The following SEC24D variants were observed in gnomAD, a reference collection of about 807,000 sequenced individuals.
SEC24D encodes protein transport protein Sec24D.
In SEC24D, 69 loss-of-function variants were observed where a neutral mutation model predicts 116.9. The ratio of observed to expected loss-of-function variants is 0.59; its 90% CI spans 0.49 to 0.72. The LOEUF (loss-of-function observed/expected upper bound fraction) is 0.72. Ranked by LOEUF, SEC24D falls within the 30% of genes least tolerant of loss-of-function variation. The pLI is 0.00. For synonymous variants in SEC24D, 405 were observed against 442.8 expected (o/e 0.91, Z 1.07); for missense variants, 1,131 against 1,264.1 (o/e 0.89, Z 1.60).
At chr4:118,791,494 T>C (rs1240676745) in intron 8 of SEC24D, among the ~76,000 whole-genome samples, 1 of 152,136 alleles carries the variant, frequency 6.6e-6, no homozygotes, top group Non-Finnish European at 1.5e-5. Context: ...TAAATAAATA[T>C]TTTTAAAATT....
intron 1 of SEC24D, among the ~76,000 whole-genome samples, chr4:118,834,548 T>C (rs1731009645): frequency 1.3e-5 from 2 of 152,128 alleles, no homozygotes; most frequent in South Asian, 4.1e-4. Context: ...TTTTTCCAGG[T>C]TTTAACAAAA....
chr4:118,794,556 C>T (rs1729092333), intron 8 of SEC24D, among the ~76,000 whole-genome samples: 1 of 152,106 alleles, frequency 6.6e-6, no homozygotes, highest in African/African-American at 2.4e-5. Flanking sequence ...ATATATGCTG[C>T]AGGTTTCCGT....
chr4:118,759,652 T>C (rs570428847), intron 10 of SEC24D, among the ~76,000 whole-genome samples: 4 of 152,324 alleles, frequency 2.6e-5, no homozygotes, highest in South Asian at 4.1e-4. Context: ...CAGACCACTT[T>C]GGCTCTCTTA....
chr4:118,746,685 T>C (rs1168084539), intron 13 of SEC24D, among the ~76,000 whole-genome samples: 1 of 152,110 alleles, frequency 6.6e-6, no homozygotes, highest in African/African-American at 2.4e-5. Flanking sequence ...TGGCCTGGAA[T>C]CCATTTCTCC....
intron 2 of SEC24D, among the ~76,000 whole-genome samples, chr4:118,828,535 G>A (rs1179313287): frequency 6.6e-6 from 1 of 152,158 alleles, no homozygotes; most frequent in African/African-American, 2.4e-5. Context: ...CCAGAAGGTT[G>A]GGGGAGGTAC....
intron 8 of SEC24D, chr4:118,769,692 C>T (rs913309559): frequency 1.3e-5 from 2 of 152,110 alleles, no homozygotes; most frequent in Non-Finnish European, 2.9e-5. Flanking sequence ...TCAAAAGAAT[C>T]GGGGAAGGAT....
chr4:118,811,481 T>C (rs1729919419), intron 6 of SEC24D, among the ~76,000 whole-genome samples: 1 of 152,254 alleles, frequency 6.6e-6, no homozygotes, highest in Non-Finnish European at 1.5e-5. Context: ...TTTTTTAAGA[T>C]CTAATTAACA....
intron 8 of SEC24D, among the ~76,000 whole-genome samples, chr4:118,796,818 A>T (rs116378721): frequency 1.5e-3 from 234 of 152,322 alleles, no homozygotes; most frequent in Non-Finnish European, 3.0e-3. Context: ...ACTTCAAAGG[A>T]TCATTAGATC....
intron 22 of SEC24D, among the ~76,000 whole-genome samples, chr4:118,725,689 G>A (rs1016644670): frequency 6.6e-6 from 1 of 152,102 alleles, no homozygotes; most frequent in African/African-American, 2.4e-5. Context: ...ATGAGCTGAG[G>A]TGGTAAGTAG....
chr4:118,796,011 A>C (rs1317403975), intron 8 of SEC24D, among the ~76,000 whole-genome samples: 1 of 152,222 alleles, frequency 6.6e-6, no homozygotes, highest in Non-Finnish European at 1.5e-5. Context: ...TTTAGTATTA[A>C]GTGTCTAAAT....
rs368921282 is a variant in SEC24D at position 118,768,296 on chromosome 4, C to A, written c.1057G>T (p.Val353Leu). 1.2e-6 allele frequency: 2 copies of A among 1,613,312 alleles called. No homozygotes were observed. The highest frequency in any genetic ancestry group is 1.7e-6 in the Non-Finnish European group (2 of 1,179,794). Reference protein sequence around the residue: ...IPSNESPLYLVNHGESGPVRC... With the variant: ...IPSNESPLYLLNHGESGPVRC... ...ACTGGTCCACTCTCGCCGTGATTTACCAAGTAAAGGGGACTCTATGGAGAA... is the reference window on the plus strand; with the variant it reads ...ACTGGTCCACTCTCGCCGTGATTTAACAAGTAAAGGGGACTCTATGGAGAA... Residue 353 changes from valine (V) to leucine (L), a missense_variant, in exon 9 of 23, where the codon GTA (valine) becomes TTA (leucine). Transcript: ENST00000280551.
chr4:118,760,502 T>C lies in SEC24D; in HGVS notation c.1297-2657A>G, dbSNP rs560557439. The C allele has an allele frequency of 3.9e-5, 6 of 152,310 alleles. No individual in the cohort carries two copies. In the East Asian group the frequency reaches 9.7e-4, roughly 25 times the overall value. 9.4% of individuals were successfully genotyped at this position (152,310 alleles called of 1,614,324 possible). The stretch of plus-strand genomic sequence containing the variant: ...GCATGGGTCAGACTTTTCTTCCTTT[T>C]TGAGGCTGAATGATATTCCATTGTA... On this transcript the variant is annotated intron_variant, in intron 10 of 22. Transcript: ENST00000280551.
intron 9 of SEC24D, 64 bp downstream of exon 9, chr4:118,768,109 A>G: frequency 7.3e-7 from 1 of 1,373,172 alleles, no homozygotes; most frequent in Non-Finnish European, 1.0e-6. Context: ...CTCCTAAACT[A>G]AGAAGTATAA....
At chr4:118,793,962 G>C (rs1307305003) in intron 8 of SEC24D, among the ~76,000 whole-genome samples, 1 of 152,140 alleles carries the variant, frequency 6.6e-6, no homozygotes, top group Non-Finnish European at 1.5e-5. Context: ...TTCACAAGTA[G>C]AGCGTCTCCC....
chr4:118,776,599 GGCATATTT>G (rs1320339276), intron 8 of SEC24D, among the ~76,000 whole-genome samples: 1 of 152,062 alleles, frequency 6.6e-6, no homozygotes, highest in East Asian at 1.9e-4. Context: ...TCAAGTTAAG[GGCATATTT>G]GCAAAGATCA....
chr4:118,774,500 G>A (rs949753380), intron 8 of SEC24D, among the ~76,000 whole-genome samples: 2 of 152,150 alleles, frequency 1.3e-5, no homozygotes, highest in Non-Finnish European at 2.9e-5. Context: ...ATTGTTCAGA[G>A]GAATGCAAGG....
At position 118,728,566 on chromosome 4, in the gene SEC24D, T is replaced by C. The variant is rs770216170; in HGVS notation, c.2953A>G (p.Met985Val). The C allele has an allele frequency of 5.7e-6, 9 of 1,590,964 alleles. No homozygotes were observed. In the Middle Eastern group the frequency reaches 5.0e-4, roughly 89 times the overall value. The change falls in exon 22 of 23, where the codon ATG (methionine) becomes GTG (valine). Residue 985 changes from methionine to valine, a missense_variant. Transcript: ENST00000280551. ...AAATAAAATTGCTTTCTTACCTTCA[T>C]TGAATATGGCCTCTTTTGTTGGATA... ...GIIQQKRPYS[M>V]KLTIVKQREQ...
intron 18 of SEC24D, 68 bp from the exon 19 acceptor site, chr4:118,738,447 C>A: frequency 2.0e-5 from 21 of 1,045,540 alleles, no homozygotes; most frequent in Admixed American, 1.9e-4. Flanking sequence ...AATAATCAAA[C>A]AAAAAAGAAC....
At chr4:118,774,700 C>A (rs1457560338) in intron 8 of SEC24D, among the ~76,000 whole-genome samples, 3 of 152,118 alleles carry the variant, frequency 2.0e-5, no homozygotes, top group Non-Finnish European at 4.4e-5. Flanking sequence ...GCCCTTAAAC[C>A]ATGCTCCCTG....
Sources: allele counts gnomAD v4.1 joint callset (sites outside exome capture counted in the v4.1 genomes callset), GRCh38; gene constraint gnomAD v4.1.1; transcripts MANE v1.5; gene names NCBI Gene and HGNC (gene_info 2026-07-23, HGNC 2026-07-21).